The following MAPT variants were observed in gnomAD, a reference collection of about 807,000 sequenced individuals.
MAPT encodes the protein microtubule associated protein tau.
A neutral mutation model predicts 67.9 loss-of-function variants in MAPT; 34 were observed. The observed-to-expected ratio is 0.50, with a 90% CI of 0.38 to 0.67. The LOEUF (loss-of-function observed/expected upper bound fraction) is 0.67, where lower values mean the gene tolerates loss of function less well. MAPT is among the 30% of genes least tolerant of loss of function. MAPT has a pLI of 0.00. For synonymous variants in MAPT, 456 were observed against 464.5 expected, an observed-to-expected ratio of 0.98 and a Z score of 0.23; for missense variants, 881 against 1,115.2, an observed-to-expected ratio of 0.79 and a Z score of 2.99.
intron 1 of MAPT, among the ~76,000 whole-genome samples, chr17:45,956,896 C>T (rs2069793302): frequency 6.6e-6 from 1 of 151,698 alleles, no homozygotes. Flanking sequence ...TGGTTTCCAG[C>T]TTCATCCATG....
At chr17:45,946,400 G>A (rs568452218) in intron 1 of MAPT, among the ~76,000 whole-genome samples, 5 of 151,862 alleles carry the variant, frequency 3.3e-5, no homozygotes, top group Admixed American at 2.6e-4. Context: ...TCAGGAGTTC[G>A]AGATCAACCT....
chr17:45,933,020 T>C (rs1383564367), intron 1 of MAPT, among the ~76,000 whole-genome samples: 1 of 152,144 alleles, frequency 6.6e-6, no homozygotes, highest in Non-Finnish European at 1.5e-5. Context: ...AGGCGGAGAT[T>C]GCAGTGGGCC....
chr17:45,959,534 A>G (rs2070143518), intron 1 of MAPT, among the ~76,000 whole-genome samples: 1 of 152,112 alleles, frequency 6.6e-6, no homozygotes, highest in Admixed American at 6.6e-5. Context: ...TCAGCCGGGC[A>G]TGGTGGCTCA....
chr17:45,973,734 T>C (rs892582830), intron 3 of MAPT: 1 of 152,864 alleles, frequency 6.5e-6, no homozygotes, highest in African/African-American at 2.4e-5. Flanking sequence ...CAGCTCCTGG[T>C]AGCCGAGCTT....
rs572649500 is a variant in MAPT at position 45,964,600 on chromosome 17, C to T, written c.133+2130C>T. On this transcript the variant is annotated intron_variant, in intron 2 of 12. Coordinates refer to ENST00000262410, the MANE Select transcript of MAPT (RefSeq NM_001377265.1). The stretch of plus-strand genomic sequence containing the variant: ...TCAAGAGGCAGAGGCAGGAGGATCA[C>T]TTGAGCCCAGGAGGCGGAGGTTGCC... 1.1e-4 allele frequency among the ~76,000 whole-genome samples: 16 copies of T among 152,114 alleles called. No homozygotes were observed. In the East Asian group the frequency reaches 2.7e-3, roughly 26 times the overall value.
At chr17:45,895,642 C>A (rs775231901) in intron 1 of MAPT, 3 of 152,272 alleles carry the variant, frequency 2.0e-5, no homozygotes, top group Non-Finnish European at 4.4e-5. Context: ...CGCTCCCTGC[C>A]GGAGGCGCGG....
At chr17:45,911,276 C>G (rs1286965815) in intron 1 of MAPT, among the ~76,000 whole-genome samples, 1 of 152,218 alleles carries the variant, frequency 6.6e-6, no homozygotes, top group East Asian at 1.9e-4. Flanking sequence ...AGAATAAGCA[C>G]TCAGTAATTG....
intron 1 of MAPT, among the ~76,000 whole-genome samples, chr17:45,942,823 T>G (rs1488798985): frequency 6.6e-6 from 1 of 152,244 alleles, no homozygotes; most frequent in African/African-American, 2.4e-5. Context: ...TTAACTCACC[T>G]AATCCCCACA....
intron 1 of MAPT, among the ~76,000 whole-genome samples, chr17:45,937,078 G>A (rs1396411347): frequency 6.6e-6 from 1 of 152,192 alleles, no homozygotes; most frequent in Non-Finnish European, 1.5e-5. Flanking sequence ...TCAGTTAGCT[G>A]TCTTCAGTGT....
rs1327090720 is a variant in MAPT, at chr17:45,999,332, T to G, written c.1998+2668T>G. On this transcript the variant is annotated intron_variant, in intron 9 of 12. Transcript: ENST00000262410. Reference sequence around the variant, plus strand: ...TGCATTTTTGCAGCCCCCACAAGACTGTGCAGGTGGCCGGCCCTCATTGAA... The same window carrying G: ...TGCATTTTTGCAGCCCCCACAAGACGGTGCAGGTGGCCGGCCCTCATTGAA... The G allele has an allele frequency of 1.9e-6, 3 of 1,613,972 alleles. No homozygotes were observed. The South Asian group carries it at 3.3e-5, about 18-fold the overall frequency.
Position 45,971,737 on chromosome 17 carries a change from C to T in MAPT, c.134-122C>T, listed in dbSNP as rs981205197. On this transcript the variant is annotated intron_variant, in intron 2 of 12. Transcript: ENST00000262410. This position sits in a 1 kb window ranked among gnomAD's most constrained non-coding sequence, Gnocchi z 4.3. Reference sequence around the variant, plus strand: ...GTGGGTTTGTTGCGAGGCCGTGTTCCAGCTGTTTCCACAGGGAGCGATTTT... The same window carrying T: ...GTGGGTTTGTTGCGAGGCCGTGTTCTAGCTGTTTCCACAGGGAGCGATTTT... 6.6e-6 allele frequency: 5 copies of T among 757,590 alleles called. No homozygotes were observed. The highest frequency in any genetic ancestry group is 1.2e-5 in the Non-Finnish European group (5 of 422,846). The allele number at this position is 757,590 out of a possible 1,614,324, so 46.9% of individuals were successfully genotyped here.
intron 11 of MAPT, among the ~76,000 whole-genome samples, chr17:46,016,728 G>A (rs531187106): frequency 6.6e-5 from 10 of 152,284 alleles, no homozygotes; most frequent in Admixed American, 3.9e-4. Context: ...CCAAGATCGC[G>A]CCACTGCATA....
Position 45,962,420 on chromosome 17 carries a change from G to A in MAPT, c.83G>A (p.Gly28Asp). 6.2e-7 allele frequency: 1 copy of A among 1,612,754 alleles called. No homozygotes were observed. Among genetic ancestry groups the A allele is most frequent in the Non-Finnish European group, 8.5e-7 (1 of 1,179,956 alleles). ...YGLGDRKDQG[G>D]YTMHQDQEGD... ...TTGGGGGACAGGAAAGATCAGGGGG[G>A]CTACACCATGCACCAAGACCAAGAG... Residue 28 changes from glycine (G) to aspartate (D), a missense_variant, in exon 2 of 13, where the codon GGC (glycine) becomes GAC (aspartate). This residue lies in a region of MAPT where 687 missense variants were observed against 766.1 expected (regional missense o/e 0.90). Transcript: ENST00000262410.
intron 5 of MAPT, among the ~76,000 whole-genome samples, chr17:45,986,071 A>G (rs2073506017): frequency 6.6e-6 from 1 of 152,252 alleles, no homozygotes; most frequent in African/African-American, 2.4e-5. Context: ...GCTGGCTGAC[A>G]GGTCAGCGGG....
intron 8 of MAPT, among the ~76,000 whole-genome samples, chr17:45,993,368 T>C (rs2074227870): frequency 6.6e-6 from 1 of 152,112 alleles, no homozygotes; most frequent in Non-Finnish European, 1.5e-5. Flanking sequence ...TGGATCCTGC[T>C]GTTTTTTTTT....
rs1293758324 is a variant in MAPT at position 45,983,338 on chromosome 17, A to G, written c.759A>G (p.Thr253=). Residue 253 remains threonine, a synonymous_variant, in exon 5 of 13, where the codon ACA becomes ACG. Transcript: ENST00000262410. ...CTTCGGGGACAGGACCTGAGGACAC[A>G]GAGGGCGGCCGCCACGCCCCTGAGC... ...RQPSGTGPED[T]EGGRHAPELL... 6 of 1,602,670 alleles carry G rather than the reference A, an allele frequency of 3.7e-6. No homozygotes were observed. Among genetic ancestry groups the G allele is most frequent in the Non-Finnish European group, 5.1e-6 (6 of 1,175,188 alleles).
Position 45,983,603 on chromosome 17 carries a change from C to T in MAPT, c.1024C>T (p.Leu342Phe). 6.2e-7 allele frequency: 1 copy of T among 1,613,482 alleles called. No homozygotes were observed. The highest frequency in any genetic ancestry group is 8.5e-7 in the Non-Finnish European group (1 of 1,180,016). ...PGFPAEGAIPLPVDFLSKVST... is the reference protein window; with the variant it reads ...PGFPAEGAIPFPVDFLSKVST... ...CTTCCCAGCGGAGGGTGCCATCCCC[C>T]TCCCTGTGGATTTCCTCTCCAAAGT... The change falls in exon 5 of 13, where the codon CTC (leucine) becomes TTC (phenylalanine). Residue 342 changes from leucine to phenylalanine, a missense_variant. Coordinates refer to ENST00000262410, the MANE Select transcript of MAPT (RefSeq NM_001377265.1).
chr17:45,923,976 G>C (rs949890843), intron 1 of MAPT, among the ~76,000 whole-genome samples: 1 of 152,222 alleles, frequency 6.6e-6, no homozygotes, highest in African/African-American at 2.4e-5. Flanking sequence ...AGTGCTTAGA[G>C]TGGAGCTTTG....
rs748882775 is a variant in MAPT, at chr17:46,018,674, T to C, written c.2230T>C (p.Ser744Pro). Residue 744 changes from serine (S) to proline (P), a missense_variant, in exon 12 of 13, where the codon TCG (serine) becomes CCG (proline). Transcript: ENST00000262410. ...EKLDFKDRVQ[S>P]KIGSLDNITH... Reference sequence around the variant, plus strand: ...GCTTGACTTCAAGGACAGAGTCCAGTCGAAGATTGGGTCCCTGGACAATAT... The same window carrying C: ...GCTTGACTTCAAGGACAGAGTCCAGCCGAAGATTGGGTCCCTGGACAATAT... 5.0e-6 allele frequency: 8 copies of C among 1,614,166 alleles called. No individual in the cohort carries two copies.
Sources: gnomAD v4.1 joint callset for allele counts (sites outside exome capture counted in the v4.1 genomes callset) on GRCh38, gnomAD v4.1.1 for gene constraint, gnomAD v4.1.1 regional missense constraint, Gnocchi (gnomAD v3.1) non-coding constraint, MANE v1.5 for transcripts, NCBI Gene and HGNC (gene_info 2026-07-23, HGNC 2026-07-21) for gene names.